TNNI3K: variants seen among roughly 807,000 people sequenced by gnomAD.
TNNI3K encodes serine/threonine-protein kinase TNNI3K.
Under a neutral mutation model 114.5 loss-of-function variants are expected in TNNI3K, and 140 were observed. That is an observed-to-expected ratio of 1.22 (90% CI 1.07 to 1.41). The LOEUF is 1.41. Among genes scored for constraint, TNNI3K ranks in the 40% most tolerant of loss-of-function variants. The probability of loss-of-function intolerance (pLI) is 0.00; values close to 1 mark genes in which losing one functional copy is unlikely to be tolerated. For synonymous variants in TNNI3K, 347 were observed against 347.5 expected (o/e 1.00, Z 0.02); for missense variants, 1,125 against 1,007.6 (o/e 1.12, Z -1.58).
intron 5 of TNNI3K, among the ~76,000 whole-genome samples, chr1:74,287,165 A>T (rs919357322): frequency 3.9e-5 from 6 of 152,156 alleles, no homozygotes; most frequent in South Asian, 2.1e-4. Context: ...AATTACTCAG[A>T]TAAACAAAAA....
intron 2 of TNNI3K, chr1:74,240,004 GAGAA>G (rs1654089666): frequency 2.1e-6 from 1 of 469,690 alleles, no homozygotes; most frequent in South Asian, 1.6e-5. Flanking sequence ...AAGGCAGGAG[GAGAA>G]AGAAAGACAG....
At chr1:74,480,125 G>T (rs1668406927) in intron 21 of TNNI3K, 1 of 696,230 alleles carries the variant, frequency 1.4e-6, no homozygotes, top group Non-Finnish European at 2.7e-6. Context: ...GAAGAGAAAA[G>T]AGGAGGGCAC....
intron 23 of TNNI3K, among the ~76,000 whole-genome samples, chr1:74,523,959 T>TTCCA (rs1444008291): frequency 1.3e-5 from 2 of 151,790 alleles, no homozygotes; most frequent in East Asian, 3.9e-4. Flanking sequence ...GTGTGTGATA[T>TTCCA]TCCACTCCCT....
intron 4 of TNNI3K, among the ~76,000 whole-genome samples, chr1:74,268,267 C>T (rs924668276): frequency 3.5e-4 from 53 of 151,942 alleles, no homozygotes; most frequent in African/African-American, 1.0e-3. Flanking sequence ...TGACCATCTG[C>T]AGGGAAAATG....
At chr1:74,454,079 T>A (rs1281459355) in intron 20 of TNNI3K, among the ~76,000 whole-genome samples, 1 of 152,220 alleles carries the variant, frequency 6.6e-6, no homozygotes, top group Non-Finnish European at 1.5e-5. Flanking sequence ...TTCTTTCTTT[T>A]ATGTTATTAT....
At chr1:74,396,701 C>T (rs1429628556) in intron 17 of TNNI3K, among the ~76,000 whole-genome samples, 1 of 152,124 alleles carries the variant, frequency 6.6e-6, no homozygotes, top group East Asian at 1.9e-4. Context: ...AAATACAAGT[C>T]CTTAGGGAGC....
chr1:74,240,661 AT>A (rs1294873067), intron 2 of TNNI3K: 1 of 152,162 alleles, frequency 6.6e-6, no homozygotes, highest in Non-Finnish European at 1.5e-5. Flanking sequence ...ATCATAATAA[AT>A]TTTAAGACTA....
At position 74,500,467 on chromosome 1, in the gene TNNI3K, A is replaced by G. The variant is rs181993134; in HGVS notation, c.2351+8201A>G. ...AAATACAAAAAAATTAGCCGGGCGT[A>G]GTGGCGGGCGCCTGTAGTCCCAGCT... On this transcript the variant is annotated intron_variant, in intron 23 of 24. Transcript: ENST00000326637. Among the ~76,000 whole-genome samples the G allele has an allele frequency of 4.6e-3, 691 of 150,782 alleles. 4 individuals are homozygous for G. Among genetic ancestry groups the G allele is most frequent in the African/African-American group, 0.016 (667 of 41,366 alleles).
In TNNI3K at chr1:74,274,514, T is replaced by C. The variant is rs190988900; in HGVS notation, c.444+2806T>C. Among the ~76,000 whole-genome samples the C allele has an allele frequency of 1.2e-3, 180 of 152,144 alleles. 2 individuals carry two copies. The highest frequency in any genetic ancestry group is 4.1e-3 in the African/African-American group (170 of 41,532). ...TATAAATGGTTAGAATATAGAAATA[T>C]AGGAATGATACAACAAAATAAGACA... is the stretch of plus-strand genomic sequence containing the variant. On this transcript the variant is annotated intron_variant, in intron 5 of 24. Coordinates refer to ENST00000326637, the MANE Select transcript of TNNI3K (RefSeq NM_015978.3).
chr1:74,254,203 T>C (rs1655135711), intron 4 of TNNI3K, among the ~76,000 whole-genome samples: 1 of 152,224 alleles, frequency 6.6e-6, no homozygotes, highest in Non-Finnish European at 1.5e-5. Flanking sequence ...GTATAAAACA[T>C]GCCCTGTTGC....
rs781246920 is a variant in TNNI3K, at chr1:74,343,001, G to C, written c.827+15G>C. The C allele has an allele frequency of 5.0e-6, 8 of 1,613,520 alleles. No homozygotes were observed. In the Admixed American group the frequency reaches 1.3e-4, roughly 27 times the overall value. On this transcript the variant is annotated intron_variant, in intron 8 of 24. Coordinates refer to ENST00000326637, the MANE Select transcript of TNNI3K (RefSeq NM_015978.3). ...CCCTTACACCTGTGAGTATTATGTA[G>C]CATTCCATAGGTTCTCCAGGTATAC...
intron 21 of TNNI3K, among the ~76,000 whole-genome samples, chr1:74,466,278 C>G (rs1468950700): frequency 6.6e-6 from 1 of 152,160 alleles, no homozygotes; most frequent in East Asian, 1.9e-4. Flanking sequence ...AAATAACAAT[C>G]AAGGGAATCC....
intron 17 of TNNI3K, among the ~76,000 whole-genome samples, chr1:74,435,760 C>T (rs1025073556): frequency 2.6e-5 from 4 of 151,960 alleles, no homozygotes; most frequent in African/African-American, 9.7e-5. Context: ...CTTGTAACCA[C>T]AATTGTGTTA....
chr1:74,528,833 C>T (rs938796611), intron 23 of TNNI3K, among the ~76,000 whole-genome samples: 5 of 152,096 alleles, frequency 3.3e-5, no homozygotes, highest in East Asian at 1.9e-4. Context: ...TTTCCAAATA[C>T]TATTATTTAC....
chr1:74,291,980 G>A (rs1657705912), intron 5 of TNNI3K, among the ~76,000 whole-genome samples: 1 of 151,284 alleles, frequency 6.6e-6, no homozygotes, highest in Admixed American at 6.6e-5. Flanking sequence ...TCTGTTTCTA[G>A]ATCTCTGTTC....
At chr1:74,369,803 TAAC>T in intron 16 of TNNI3K, 1 of 507,314 alleles carries the variant, frequency 2.0e-6, no homozygotes, top group Admixed American at 4.3e-5. Context: ...CAGTTGAAGA[TAAC>T]AAATTTAAGG....
At chr1:74,318,376 CTCTT>C (rs778899888) in intron 5 of TNNI3K, among the ~76,000 whole-genome samples, 2 of 152,136 alleles carry the variant, frequency 1.3e-5, no homozygotes, top group Non-Finnish European at 1.5e-5. Flanking sequence ...CTCAGTGTGA[CTCTT>C]AGGTTACCAG....
At chr1:74,330,363 C>T (rs2100409620) in intron 5 of TNNI3K, among the ~76,000 whole-genome samples, 1 of 152,162 alleles carries the variant, frequency 6.6e-6, no homozygotes, top group Admixed American at 6.5e-5. Context: ...CACTTATCAG[C>T]CCAGAGAAGT....
intron 21 of TNNI3K, chr1:74,480,366 T>C (rs774099770): frequency 2.8e-6 from 2 of 717,546 alleles, no homozygotes; most frequent in African/African-American, 3.5e-5. Context: ...TTAATGTAGT[T>C]TCTTAAAAAC....
Sources: allele counts gnomAD v4.1 joint callset (sites outside exome capture counted in the v4.1 genomes callset), GRCh38; gene constraint gnomAD v4.1.1; transcripts MANE v1.5; gene names NCBI Gene and HGNC (gene_info 2026-07-23, HGNC 2026-07-21).